HIPK3: variants seen among roughly 807,000 people sequenced by gnomAD.
The protein encoded by HIPK3 is homeodomain-interacting protein kinase 3.
A neutral mutation model predicts 124.2 loss-of-function variants in HIPK3; 47 were observed. The ratio of observed to expected loss-of-function variants is 0.38; its 90% CI spans 0.30 to 0.48. The LOEUF (loss-of-function observed/expected upper bound fraction) is 0.48. HIPK3 is among the 20% of genes least tolerant of loss of function. The pLI is 0.98. For missense variants in HIPK3, 1,286 were observed against 1,454.3 expected, an observed-to-expected ratio of 0.88 and a Z score of 1.88; for synonymous variants, 482 against 515.2, an observed-to-expected ratio of 0.94 and a Z score of 0.87.
rs749798625 is a variant in HIPK3 at position 33,348,737 on chromosome 11, C to G, written c.2585C>G (p.Ser862Cys). 7 of 1,614,122 alleles carry G rather than the reference C, an allele frequency of 4.3e-6. No individual in the cohort carries two copies. The highest frequency in any genetic ancestry group is 5.9e-6 in the Non-Finnish European group (7 of 1,179,972). ...KQRQTIIIAD[S>C]PSPAVSVITI... Reference sequence around the variant, plus strand: ...CGGCAAACCATCATTATTGCCGACTCCCCGAGTCCTGCAGTGAGTGTCATC... The same window carrying G: ...CGGCAAACCATCATTATTGCCGACTGCCCGAGTCCTGCAGTGAGTGTCATC... Residue 862 changes from serine (S) to cysteine (C), a missense_variant, in exon 13 of 17, where the codon TCC becomes TGC. Ser to Cys is a moderately radical substitution (Grantham distance 112). This residue lies in a region of HIPK3 where 810 missense variants were observed against 864.9 expected (regional missense o/e 0.94). Coordinates refer to ENST00000303296, the MANE Select transcript of HIPK3 (RefSeq NM_005734.5).
intron 1 of HIPK3, among the ~76,000 whole-genome samples, chr11:33,279,324 C>CAAAAAAAAAAA (rs869091127): frequency 1.3e-5 from 1 of 77,526 alleles, no homozygotes. Context: ...CTCTTTGTCT[C>CAAAAAAAAAAA]AAAAAAAAAA....
intron 1 of HIPK3, among the ~76,000 whole-genome samples, chr11:33,265,423 C>CA (rs1411554796): frequency 6.6e-6 from 1 of 151,934 alleles, no homozygotes; most frequent in Non-Finnish European, 1.5e-5. Flanking sequence ...ACTGTGGCCA[C>CA]AAAAAAGATA....
intron 1 of HIPK3, among the ~76,000 whole-genome samples, chr11:33,271,467 G>A (rs1006831503): frequency 2.0e-5 from 3 of 152,180 alleles, no homozygotes; most frequent in African/African-American, 4.8e-5. Context: ...CAGGGAGGTT[G>A]AAGTGAAAGG....
intron 2 of HIPK3, among the ~76,000 whole-genome samples, chr11:33,303,450 A>G (rs1215698625): frequency 6.6e-6 from 1 of 152,238 alleles, no homozygotes; most frequent in African/African-American, 2.4e-5. Context: ...GGTTAAAAGA[A>G]GACTTTAGTG....
At chr11:33,258,578 T>C in intron 1 of HIPK3, 1 of 985,390 alleles carries the variant, frequency 1.0e-6, no homozygotes, top group Non-Finnish European at 1.2e-6. Flanking sequence ...CCGGCTTCTC[T>C]CGTTACGGTG....
intron 2 of HIPK3, among the ~76,000 whole-genome samples, chr11:33,301,193 A>G (rs954210877): frequency 6.6e-6 from 1 of 152,158 alleles, no homozygotes; most frequent in African/African-American, 2.4e-5. Flanking sequence ...ATACATTTAA[A>G]GGAGTTTTAG....
chr11:33,288,323 T>C (rs1382950332), intron 2 of HIPK3, among the ~76,000 whole-genome samples: 1 of 151,902 alleles, frequency 6.6e-6, no homozygotes, highest in African/African-American at 2.4e-5. Context: ...GGTGTGGTGG[T>C]GGGTGTCTAT....
chr11:33,311,611 C>G (rs1852339069), intron 2 of HIPK3, among the ~76,000 whole-genome samples: 1 of 152,166 alleles, frequency 6.6e-6, no homozygotes, highest in Admixed American at 6.5e-5. Flanking sequence ...CTATTGACAT[C>G]CTGTACCACA....
intron 4 of HIPK3, among the ~76,000 whole-genome samples, chr11:33,337,650 C>T (rs1490308589): frequency 6.6e-6 from 1 of 151,206 alleles, no homozygotes; most frequent in Non-Finnish European, 1.5e-5. Flanking sequence ...TCCACCATGC[C>T]TGGCCCCGTC....
intron 1 of HIPK3, among the ~76,000 whole-genome samples, chr11:33,277,181 C>T (rs1420730469): frequency 6.6e-6 from 1 of 151,438 alleles, no homozygotes; most frequent in Admixed American, 6.6e-5. Flanking sequence ...ATTTGAGGTC[C>T]CTTCCTTCTC....
At chr11:33,337,006 C>A in intron 3 of HIPK3, 69 bp from the exon 4 acceptor site, 2 of 1,129,682 alleles carry the variant, frequency 1.8e-6, no homozygotes, top group Non-Finnish European at 1.3e-6. Context: ...AACATATAGC[C>A]TAGTGTCTGA....
chr11:33,332,770 G>T (rs1853025423), intron 3 of HIPK3, among the ~76,000 whole-genome samples: 1 of 152,074 alleles, frequency 6.6e-6, no homozygotes, highest in Admixed American at 6.6e-5. Flanking sequence ...TATATGTGTG[G>T]ATGTATTAGG....
intron 2 of HIPK3, among the ~76,000 whole-genome samples, chr11:33,306,042 A>G (rs1289630202): frequency 6.6e-6 from 1 of 152,162 alleles, no homozygotes; most frequent in Non-Finnish European, 1.5e-5. Flanking sequence ...CTGGAAGCAC[A>G]TAACTTTAAA....
chr11:33,291,268 C>T (rs1851690843), intron 2 of HIPK3, among the ~76,000 whole-genome samples: 3 of 152,058 alleles, frequency 2.0e-5, no homozygotes. Flanking sequence ...GTGTCTTATA[C>T]TTGATTTTTC....
chr11:33,295,644 C>T (rs1343871856), intron 2 of HIPK3, among the ~76,000 whole-genome samples: 1 of 152,198 alleles, frequency 6.6e-6, no homozygotes, highest in Non-Finnish European at 1.5e-5. Context: ...ACTTTTGAAG[C>T]GTACTGGCCA....
At position 33,338,793 on chromosome 11, in the gene HIPK3, T is replaced by C. The variant is rs1490486679; in HGVS notation, c.1378T>C (p.Ser460Pro). The stretch of plus-strand genomic sequence containing the variant: ...GCATGAGGCAGAGACAGGAATGAAG[T>C]CTAAAGAAGCCAGAAAATACATTTT... ...EEHEAETGMK[S>P]KEARKYIFNS... Residue 460 changes from serine to proline, a missense_variant, in exon 5 of 17, where the codon TCT becomes CCT. Transcript: ENST00000303296. 1.2e-6 allele frequency: 2 copies of C among 1,612,850 alleles called. No homozygotes were observed. Among genetic ancestry groups the C allele is most frequent in the Non-Finnish European group, 1.7e-6 (2 of 1,179,182 alleles).
At chr11:33,258,882 T>C (rs770775040) in intron 1 of HIPK3, among the ~76,000 whole-genome samples, 11 of 152,174 alleles carry the variant, frequency 7.2e-5, no homozygotes, top group Non-Finnish European at 1.2e-4. Context: ...AGTTGGCTGC[T>C]TCTAATTATA....
At chr11:33,270,591 G>A (rs1240304441) in intron 1 of HIPK3, among the ~76,000 whole-genome samples, 1 of 152,056 alleles carries the variant, frequency 6.6e-6, no homozygotes, top group Non-Finnish European at 1.5e-5. Flanking sequence ...AAAAAAATTG[G>A]AAAAAAAGCA....
At chr11:33,310,220 GGCTA>G (rs1852281350) in intron 2 of HIPK3, among the ~76,000 whole-genome samples, 1 of 151,164 alleles carries the variant, frequency 6.6e-6, no homozygotes, top group Non-Finnish European at 1.5e-5. Flanking sequence ...CTGGCTGGCT[GGCTA>G]TCTTTGTCTG....
Sources: allele counts gnomAD v4.1 joint callset (sites outside exome capture counted in the v4.1 genomes callset), GRCh38; gene constraint gnomAD v4.1.1; regional missense constraint gnomAD v4.1.1; transcripts MANE v1.5; gene names NCBI Gene and HGNC (gene_info 2026-07-23, HGNC 2026-07-21).